PARD3: variants seen among roughly 807,000 people sequenced by gnomAD.
The protein encoded by PARD3 is partitioning defective 3 homolog.
PARD3 carries 75 observed loss-of-function variants against 155.4 expected under a neutral mutation model. The ratio of observed to expected loss-of-function variants is 0.48; its 90% confidence interval spans 0.40 to 0.58. The LOEUF is 0.58. Among genes scored for constraint, PARD3 ranks in the 20% least tolerant of loss-of-function variants. The probability of loss-of-function intolerance (pLI) is 0.00; values close to 1 mark genes in which losing one functional copy is unlikely to be tolerated. For missense variants in PARD3, 1,642 were observed against 1,721.7 expected, an observed-to-expected ratio of 0.95 and a Z score of 0.82; for synonymous variants, 576 against 610.5, an observed-to-expected ratio of 0.94 and a Z score of 0.83.
intron 15 of PARD3, chr10:34,345,719 C>A (rs2134349197): frequency 1.0e-6 from 1 of 985,362 alleles, no homozygotes; most frequent in African/African-American, 1.7e-5. Context: ...TGTCAAGTTT[C>A]CTAATTTTTT....
rs116734179 is a variant in PARD3 at position 34,464,584 on chromosome 10, G to A, written c.582+5501C>T. ...ACATTCTCTGAAGGGTACTTCTAAA[G>A]GTTACTTATAAAAGCAAACAAAATT... On this transcript the variant is annotated intron_variant, in intron 4 of 24. Coordinates refer to ENST00000374788, the MANE Select transcript of PARD3 (RefSeq NM_001184785.2). 9.3e-3 allele frequency among the ~76,000 whole-genome samples: 1,415 copies of A among 152,040 alleles called. 27 individuals are homozygous for A. The highest frequency in any genetic ancestry group is 0.033 in the African/African-American group (1,354 of 41,462).
At chr10:34,808,711 G>A (rs1843706363) in intron 1 of PARD3, among the ~76,000 whole-genome samples, 1 of 152,224 alleles carries the variant, frequency 6.6e-6, no homozygotes, top group Admixed American at 6.5e-5. Context: ...ACCCAACTCT[G>A]TGGGGAGGTA....
chr10:34,812,597 A>G (rs1844324863), intron 1 of PARD3, among the ~76,000 whole-genome samples: 1 of 152,224 alleles, frequency 6.6e-6, no homozygotes, highest in Non-Finnish European at 1.5e-5. Context: ...GGAGACCTAG[A>G]AGACACTCCA....
intron 2 of PARD3, among the ~76,000 whole-genome samples, chr10:34,627,046 G>T (rs1342341683): frequency 2.6e-5 from 4 of 151,076 alleles, no homozygotes; most frequent in African/African-American, 4.9e-5. Flanking sequence ...TGGAGATGGG[G>T]TCTTATTCTA....
intron 20 of PARD3, among the ~76,000 whole-genome samples, chr10:34,301,432 C>T (rs1037304522): frequency 2.0e-5 from 3 of 152,150 alleles, no homozygotes; most frequent in African/African-American, 7.2e-5. Context: ...GTGGCCTCTT[C>T]TCAGTTACCA....
intron 2 of PARD3, among the ~76,000 whole-genome samples, chr10:34,641,690 G>A (rs996024169): frequency 1.3e-5 from 2 of 152,134 alleles, no homozygotes; most frequent in African/African-American, 4.8e-5. Flanking sequence ...CACCACGCAT[G>A]GCTGGGTGAG....
intron 22 of PARD3, among the ~76,000 whole-genome samples, chr10:34,267,880 G>A (rs1340641190): frequency 2.0e-5 from 3 of 152,086 alleles, no homozygotes; most frequent in Non-Finnish European, 4.4e-5. Flanking sequence ...GTCCATCAAT[G>A]TGTGTTTTAA....
chr10:34,180,726 T>C (rs1950231689), intron 22 of PARD3, among the ~76,000 whole-genome samples: 1 of 152,208 alleles, frequency 6.6e-6, no homozygotes, highest in Admixed American at 6.5e-5. Context: ...TTGTGCAAAT[T>C]TGTGGAAAAT....
intron 2 of PARD3, among the ~76,000 whole-genome samples, chr10:34,658,438 C>A (rs1395530133): frequency 6.6e-6 from 1 of 151,976 alleles, no homozygotes; most frequent in African/African-American, 2.4e-5. Flanking sequence ...ACCCGCGGAA[C>A]TGAGGAAATT....
At position 34,343,929 on chromosome 10, in the gene PARD3, CAT is replaced by C. The variant is rs554623440; in HGVS notation, c.2219-2115_2219-2114del. The C allele has an allele frequency of 8.5e-5, 83 of 981,038 alleles. No individual in the cohort carries two copies. The East Asian group carries it at 4.9e-3, about 58-fold the overall frequency. 60.8% of individuals were successfully genotyped at this position (981,038 alleles called of 1,614,324 possible). A position where few individuals can be genotyped will look rare whatever the true frequency, so the allele number is the denominator to read the frequency against. On this transcript the variant is annotated intron_variant, in intron 15 of 24. Coordinates refer to ENST00000374788, the MANE Select transcript of PARD3 (RefSeq NM_001184785.2). ...AATTTACATAGAAGGTAACACCACA[CAT>C]GATACTAGAGGAAAACTGTGCCAGT...
chr10:34,297,172 G>A (rs548046861), intron 20 of PARD3, among the ~76,000 whole-genome samples: 133 of 152,088 alleles, frequency 8.7e-4, no homozygotes, highest in Non-Finnish European at 1.4e-3. Flanking sequence ...GTACGGTGGC[G>A]CACGCCTGTC....
intron 2 of PARD3, among the ~76,000 whole-genome samples, chr10:34,572,582 G>A (rs561056695): frequency 2.6e-5 from 4 of 151,276 alleles, no homozygotes; most frequent in Admixed American, 6.6e-5. Flanking sequence ...CAGCAGTTGC[G>A]GTAAGCCGAG....
chr10:34,339,448 G>A (rs1433203082), intron 16 of PARD3, among the ~76,000 whole-genome samples: 1 of 152,078 alleles, frequency 6.6e-6, no homozygotes, highest in African/African-American at 2.4e-5. Context: ...AGTGTTAGTA[G>A]AAATAAATTG....
intron 22 of PARD3, among the ~76,000 whole-genome samples, chr10:34,177,276 G>T (rs759417885): frequency 2.2e-4 from 33 of 152,126 alleles, no homozygotes; most frequent in Admixed American, 5.2e-4. Context: ...TAACCCATGT[G>T]CTGTGCACCG....
intron 22 of PARD3, among the ~76,000 whole-genome samples, chr10:34,249,993 T>C (rs1954197543): frequency 6.6e-6 from 1 of 152,188 alleles, no homozygotes; most frequent in South Asian, 2.1e-4. Context: ...ACGAGATGCT[T>C]TGTTCTTTCC....
At chr10:34,349,931 A>G (rs1252709274) in intron 14 of PARD3, among the ~76,000 whole-genome samples, 1 of 152,228 alleles carries the variant, frequency 6.6e-6, no homozygotes, top group Non-Finnish European at 1.5e-5. Flanking sequence ...AAAGGAGTAC[A>G]TGCAGGTTTT....
At chr10:34,684,694 GA>G (rs1408515460) in intron 2 of PARD3, among the ~76,000 whole-genome samples, 2 of 151,688 alleles carry the variant, frequency 1.3e-5, no homozygotes, top group African/African-American at 2.4e-5. Flanking sequence ...CCACCAGGGG[GA>G]TATTTCTCAA....
chr10:34,303,162 A>ATTTTTTTTTTTTTTTTTTTT (rs5784409), intron 20 of PARD3, among the ~76,000 whole-genome samples: 4 of 131,974 alleles, frequency 3.0e-5, no homozygotes, highest in East Asian at 2.2e-4. Context: ...GCCCAGGTGA[A>ATTTTTTTTTTTTTTTTTTTT]TTTTTTTTTT....
chr10:34,359,043 C>T (rs372690607), intron 14 of PARD3, 104 bp downstream of exon 14: 1 of 730,828 alleles, frequency 1.4e-6, no homozygotes. Context: ...AATTTATGGT[C>T]TTTTGATGTA....
Sources: gnomAD v4.1 joint callset for allele counts (sites outside exome capture counted in the v4.1 genomes callset) on GRCh38, gnomAD v4.1.1 for gene constraint, MANE v1.5 for transcripts, NCBI Gene and HGNC (gene_info 2026-07-23, HGNC 2026-07-21) for gene names.